LAMB1: variants seen among roughly 807,000 people sequenced by gnomAD.
LAMB1 encodes the protein laminin subunit beta 1, also known as laminin subunit beta-1.
In LAMB1, 121 loss-of-function variants were observed where a neutral mutation model predicts 222.3. The ratio of observed to expected loss-of-function variants is 0.54; its 90% CI spans 0.47 to 0.63. LAMB1 has a LOEUF of 0.63. LAMB1 is among the 30% of genes least tolerant of loss of function. The pLI is 0.00. For synonymous variants in LAMB1, 794 were observed against 807.2 expected (o/e 0.98, Z 0.28); for missense variants, 2,172 against 2,240.8 (o/e 0.97, Z 0.62).
intron 21 of LAMB1, among the ~76,000 whole-genome samples, chr7:107,955,108 C>T (rs989534236): frequency 2.0e-5 from 3 of 152,158 alleles, no homozygotes; most frequent in Non-Finnish European, 4.4e-5. Flanking sequence ...CTTCTGACTA[C>T]TATTTGGTAA....
chr7:107,947,300 C>T (rs191092042), intron 24 of LAMB1, among the ~76,000 whole-genome samples: 10 of 152,340 alleles, frequency 6.6e-5, no homozygotes, highest in Admixed American at 6.5e-4. Context: ...TTTCTATAAG[C>T]ATATTGTTAG....
Position 107,960,560 on chromosome 7 carries a change from G to A in LAMB1, c.2199C>T (p.Thr733=). The A allele has an allele frequency of 1.2e-6, 2 of 1,614,184 alleles. No individual in the cohort carries two copies. Among genetic ancestry groups the A allele is most frequent in the South Asian group, 1.1e-5 (1 of 91,088 alleles). The change falls in exon 18 of 34, where the codon ACC becomes ACT. Residue 733 remains threonine, a synonymous_variant. Coordinates refer to ENST00000222399, the MANE Select transcript of LAMB1 (RefSeq NM_002291.3). ...TCTCTAGACATCGGTATCTCTGAAA[G>A]GTTTCCCAGGCACTGTTGGTGACCA... ...DGVVTNSAWE[T]FQRYRCLENS...
chr7:107,987,182 A>T (rs1301060633), intron 5 of LAMB1, among the ~76,000 whole-genome samples: 1 of 152,252 alleles, frequency 6.6e-6, no homozygotes. Context: ...CATTATGCTA[A>T]GAGAAATAAG....
chr7:107,961,390 A>G (rs1453705986), intron 16 of LAMB1, 61 bp from the exon 17 acceptor site: 2 of 1,595,928 alleles, frequency 1.3e-6, no homozygotes, highest in Admixed American at 3.6e-5. Flanking sequence ...TCCAAAAAAT[A>G]AAAATTAAAA....
intron 13 of LAMB1, among the ~76,000 whole-genome samples, chr7:107,967,578 A>T (rs2033660514): frequency 6.6e-6 from 1 of 152,094 alleles, no homozygotes. Flanking sequence ...TTTGCTTTCC[A>T]ATGAGCCACA....
chr7:107,996,768 CAT>C (rs1172326444), intron 4 of LAMB1, among the ~76,000 whole-genome samples: 1 of 152,216 alleles, frequency 6.6e-6, no homozygotes, highest in Admixed American at 6.5e-5. Flanking sequence ...AACTACAGCA[CAT>C]GATAAACTGT....
chr7:107,971,877 G>T lies in LAMB1; in HGVS notation c.1562+1115C>A, dbSNP rs143558978. Among the ~76,000 whole-genome samples the T allele has an allele frequency of 7.5e-3, 1,149 of 152,262 alleles. 23 individuals carry two copies. Among genetic ancestry groups the T allele is most frequent in the African/African-American group, 0.026 (1,089 of 41,542 alleles). ...TTCCTGAGTTTATGACATAATTTGG[G>T]GAATTGCATATGCCACTTTTATCTC... On this transcript the variant is annotated intron_variant, in intron 13 of 33. Coordinates refer to ENST00000222399, the MANE Select transcript of LAMB1 (RefSeq NM_002291.3).
intron 8 of LAMB1, among the ~76,000 whole-genome samples, chr7:107,980,140 G>A (rs777392465): frequency 3.3e-5 from 5 of 151,842 alleles, no homozygotes; most frequent in African/African-American, 4.8e-5. Context: ...CCCAGGATGC[G>A]GATGGTGCAG....
Position 107,924,097 on chromosome 7 carries a change from GATAT to G in LAMB1, c.5225-14_5225-11del, listed in dbSNP as rs113854298. The G allele has an allele frequency of 2.4e-4, 361 of 1,476,736 alleles. 3 individuals are homozygous for G. Among genetic ancestry groups the G allele is most frequent in the Non-Finnish European group, 3.0e-4 (331 of 1,105,870 alleles). The allele number at this position is 1,476,736 out of a possible 1,614,324, so 91.5% of individuals were successfully genotyped here. A position where few individuals can be genotyped will look rare whatever the true frequency, so the allele number is the denominator to read the frequency against. On this transcript the variant is annotated splice_polypyrimidine_tract_variant and intron_variant, in intron 33 of 33. Transcript: ENST00000222399. ...TATTTTCTTTCTAAATCTGTGGGGA[GATAT>G]ATATATATAAAGTCTGAGCAATTTA...
chr7:107,950,172 G>A (rs560405721), intron 24 of LAMB1, among the ~76,000 whole-genome samples: 1 of 152,166 alleles, frequency 6.6e-6, no homozygotes, highest in African/African-American at 2.4e-5. Context: ...GGAGGTTGCA[G>A]TAAGCCGAGA....
At chr7:107,930,777 A>C (rs1185644982) in intron 29 of LAMB1, among the ~76,000 whole-genome samples, 1 of 152,230 alleles carries the variant, frequency 6.6e-6, no homozygotes, top group African/African-American at 2.4e-5. Context: ...TGATATGCTT[A>C]AGATGGTAGA....
chr7:107,935,358 T>A, intron 27 of LAMB1, 57 bp downstream of exon 27: 1 of 463,126 alleles, frequency 2.2e-6, no homozygotes, highest in Non-Finnish European at 2.9e-6. Context: ...TTTTTTTTTT[T>A]TTTTTTTTTT....
At chr7:107,977,058 CCTCCTTCCTTCCTTTCCTCTCT>C (rs2033880277) in intron 9 of LAMB1, among the ~76,000 whole-genome samples, 23 of 121,916 alleles carry the variant, frequency 1.9e-4, no homozygotes, top group African/African-American at 6.4e-4. Context: ...CTTTCCTCTC[CCTCCTTCCTTCCTTTCCTCTCT>C]CTCCTTCCTT....
chr7:108,001,129 A>C (rs1314824071), intron 3 of LAMB1, among the ~76,000 whole-genome samples: 1 of 152,164 alleles, frequency 6.6e-6, no homozygotes, highest in East Asian at 1.9e-4. Context: ...AGTGATTGGA[A>C]TCACCTTGCA....
chr7:108,001,974 A>T, intron 2 of LAMB1: 1 of 1,447,318 alleles, frequency 6.9e-7, no homozygotes, highest in Non-Finnish European at 9.1e-7. Context: ...TCCAGCAGCG[A>T]GAGCCTCCCT....
rs144170169 is a variant in LAMB1 at position 107,955,497 on chromosome 7, G to T, written c.2824C>A (p.Leu942Ile). The T allele has an allele frequency of 2.9e-5, 46 of 1,613,904 alleles. No individual in the cohort carries two copies. The African/African-American group carries it at 5.9e-4, about 21-fold the overall frequency. ...TATCCAGGATCACAAACACAGGCAA[G>T]CTGTAAAGTAACAGGATCTTGGTAG... The part of the protein sequence containing the change: ...SCYQDPVTLQ[L>I]ACVCDPGYIG... The change falls in exon 21 of 34, where the codon CTT becomes ATT. Residue 942 changes from leucine to isoleucine, a missense_variant. By Grantham distance (5) the Leu-to-Ile change is conservative (BLOSUM62 2). Coordinates refer to ENST00000222399, the MANE Select transcript of LAMB1 (RefSeq NM_002291.3).
chr7:107,946,567 A>T (rs2033119757), intron 24 of LAMB1, among the ~76,000 whole-genome samples: 1 of 152,272 alleles, frequency 6.6e-6, no homozygotes, highest in Non-Finnish European at 1.5e-5. Context: ...TACTATCGGC[A>T]GGGGGCTGGA....
At chr7:107,971,266 T>A (rs1030372141) in intron 13 of LAMB1, among the ~76,000 whole-genome samples, 4 of 152,238 alleles carry the variant, frequency 2.6e-5, no homozygotes, top group Non-Finnish European at 4.4e-5. Flanking sequence ...GTTTTTAACA[T>A]CTTAGAAATC....
At chr7:107,986,505 C>G in intron 5 of LAMB1, 142 bp from the exon 6 acceptor site, 1 of 657,884 alleles carries the variant, frequency 1.5e-6, no homozygotes, top group Non-Finnish European at 2.5e-6. Context: ...GGCTGGATTT[C>G]AAATAATTCA....
Sources: allele counts gnomAD v4.1 joint callset (sites outside exome capture counted in the v4.1 genomes callset), GRCh38; gene constraint gnomAD v4.1.1; transcripts MANE v1.5; gene names NCBI Gene and HGNC (gene_info 2026-07-23, HGNC 2026-07-21).